The following SCAPER variants were observed in gnomAD, a reference collection of about 807,000 sequenced individuals.
The protein encoded by SCAPER is S phase cyclin A-associated protein in the endoplasmic reticulum.
In SCAPER, 98 loss-of-function variants were observed where a neutral mutation model predicts 182.2. The ratio of observed to expected loss-of-function variants is 0.54; its 90% CI spans 0.46 to 0.64. The LOEUF (loss-of-function observed/expected upper bound fraction) is 0.64, where lower values mean the gene tolerates loss of function less well. Among genes scored for constraint, SCAPER ranks in the 30% least tolerant of loss-of-function variants. The pLI is 0.00. For synonymous variants in SCAPER, 605 were observed against 564.6 expected (o/e 1.07, Z -1.01); for missense variants, 1,432 against 1,690.0 (o/e 0.85, Z 2.68).
At chr15:76,772,077 C>A in intron 9 of SCAPER, 123 bp from the exon 10 acceptor site, 3 of 688,232 alleles carry the variant, frequency 4.4e-6, no homozygotes, top group Non-Finnish European at 7.2e-6. Flanking sequence ...GACTGGATGA[C>A]AGAAAATTTA....
intron 23 of SCAPER, among the ~76,000 whole-genome samples, chr15:76,529,111 T>C (rs1171493100): frequency 2.0e-5 from 3 of 152,226 alleles, no homozygotes; most frequent in Non-Finnish European, 2.9e-5. Context: ...AGGCATGATC[T>C]CAGCTCACTG....
intron 21 of SCAPER, among the ~76,000 whole-genome samples, chr15:76,658,045 G>T (rs1004225315): frequency 2.0e-5 from 3 of 152,060 alleles, no homozygotes; most frequent in Non-Finnish European, 4.4e-5. Flanking sequence ...ATTCAGCATA[G>T]TACTGGAAAT....
chr15:76,651,073 A>T (rs1331013654), intron 21 of SCAPER, among the ~76,000 whole-genome samples: 2 of 152,144 alleles, frequency 1.3e-5, no homozygotes, highest in African/African-American at 4.8e-5. Flanking sequence ...GAGCTTTCAA[A>T]TCAATAATCT....
chr15:76,844,008 T>C (rs2069761425), intron 4 of SCAPER, among the ~76,000 whole-genome samples: 1 of 152,166 alleles, frequency 6.6e-6, no homozygotes, highest in Non-Finnish European at 1.5e-5. Context: ...CCAGTACTAA[T>C]ATTATCTCCA....
At chr15:76,873,129 T>C (rs1442093336) in intron 2 of SCAPER, among the ~76,000 whole-genome samples, 4 of 150,658 alleles carry the variant, frequency 2.7e-5, no homozygotes, top group East Asian at 3.9e-4. Context: ...ATGGCACCTG[T>C]AGTCCCGGCT....
At chr15:76,375,291 T>A (rs1329237156) in intron 29 of SCAPER, among the ~76,000 whole-genome samples, 2 of 149,634 alleles carry the variant, frequency 1.3e-5, no homozygotes, top group African/African-American at 4.9e-5. Flanking sequence ...TTTAAATCTA[T>A]GAAATCTTGC....
chr15:76,497,056 G>C (rs938418208), intron 24 of SCAPER, among the ~76,000 whole-genome samples: 4 of 145,628 alleles, frequency 2.7e-5, no homozygotes, highest in African/African-American at 1.0e-4. Context: ...CTGTGGACTA[G>C]ACTGCTTTCA....
chr15:76,350,366 T>G (rs968787933), intron 31 of SCAPER: 1 of 145,302 alleles, frequency 6.9e-6, no homozygotes, highest in Non-Finnish European at 1.5e-5. Flanking sequence ...GTAGAGGACT[T>G]TGTGTGTGTG....
At chr15:76,589,015 A>G (rs2048903842) in intron 22 of SCAPER, among the ~76,000 whole-genome samples, 1 of 151,968 alleles carries the variant, frequency 6.6e-6, no homozygotes, top group Non-Finnish European at 1.5e-5. Context: ...TCTCTTCTGG[A>G]TCTAGCCACA....
intron 20 of SCAPER, among the ~76,000 whole-genome samples, chr15:76,680,011 T>C (rs2057598453): frequency 1.3e-5 from 2 of 152,202 alleles, no homozygotes; most frequent in African/African-American, 2.4e-5. Context: ...ATACAGCAAC[T>C]TGACTAGTAA....
At chr15:76,608,567 T>G (rs1431897098) in intron 22 of SCAPER, among the ~76,000 whole-genome samples, 1 of 152,218 alleles carries the variant, frequency 6.6e-6, no homozygotes, top group Non-Finnish European at 1.5e-5. Flanking sequence ...CATTTAAGTC[T>G]GCAGAGGTTA....
At chr15:76,622,183 C>A (rs571516314) in intron 21 of SCAPER, among the ~76,000 whole-genome samples, 1 of 152,170 alleles carries the variant, frequency 6.6e-6, no homozygotes, top group South Asian at 2.1e-4. Context: ...CTCCGGCTTG[C>A]CTAAACTAGT....
intron 23 of SCAPER, among the ~76,000 whole-genome samples, chr15:76,540,750 T>C (rs1275022143): frequency 6.6e-6 from 1 of 152,048 alleles, no homozygotes; most frequent in African/African-American, 2.4e-5. Context: ...TCAAAGGGCC[T>C]TGTAAACCTA....
chr15:76,780,606 C>T lies in SCAPER; in HGVS notation c.773-5489G>A, dbSNP rs147313598. On this transcript the variant is annotated intron_variant, in intron 8 of 31. Coordinates refer to ENST00000563290, the MANE Select transcript of SCAPER (RefSeq NM_020843.4). The stretch of plus-strand genomic sequence containing the variant: ...GGTCCCTAACGCCCAAGTAGCCTAA[C>T]TGGAAGATACCTCCCTGTAGGGGCC... Among the ~76,000 whole-genome samples, 779 of 152,308 alleles carry T rather than the reference C, an allele frequency of 5.1e-3. 6 individuals carry two copies. Among genetic ancestry groups the T allele is most frequent in the Admixed American group, 0.015 (237 of 15,296 alleles).
chr15:76,886,199 A>G (rs4243043), intron 1 of SCAPER, among the ~76,000 whole-genome samples: 124,315 of 152,210 alleles, frequency 0.82, 51,565 homozygotes, highest in Middle Eastern at 0.91. Flanking sequence ...AAAACTCACA[A>G]CCGGGCACAG....
chr15:76,595,468 T>C (rs984850379), intron 22 of SCAPER, among the ~76,000 whole-genome samples: 7 of 121,478 alleles, frequency 5.8e-5, no homozygotes, highest in African/African-American at 1.8e-4. Context: ...GTGGACCAAA[T>C]AGACATCTAC....
intron 24 of SCAPER, among the ~76,000 whole-genome samples, chr15:76,473,735 C>T (rs1235811466): frequency 2.0e-5 from 3 of 152,174 alleles, no homozygotes; most frequent in Non-Finnish European, 4.4e-5. Flanking sequence ...TAGAGAACCA[C>T]TGCTCTCGGA....
At chr15:76,899,830 C>A (rs926644646) in intron 1 of SCAPER, among the ~76,000 whole-genome samples, 2 of 152,022 alleles carry the variant, frequency 1.3e-5, no homozygotes, top group Non-Finnish European at 2.9e-5. Flanking sequence ...GGGAAGTGTA[C>A]CCAACAGCTC....
chr15:76,890,367 A>T (rs1353013392), intron 1 of SCAPER, among the ~76,000 whole-genome samples: 1 of 152,228 alleles, frequency 6.6e-6, no homozygotes, highest in Non-Finnish European at 1.5e-5. Flanking sequence ...CAAAAAATAA[A>T]TGAATCCAGG....
Sources: allele counts gnomAD v4.1 joint callset (sites outside exome capture counted in the v4.1 genomes callset), GRCh38; gene constraint gnomAD v4.1.1; transcripts MANE v1.5; gene names NCBI Gene and HGNC (gene_info 2026-07-23, HGNC 2026-07-21).